The following SOBP variants were observed in gnomAD, a reference collection of about 807,000 sequenced individuals.
The protein encoded by SOBP is sine oculis binding protein homolog, also known as sine oculis-binding protein homolog.
A neutral mutation model predicts 53.6 loss-of-function variants in SOBP; 4 were observed. The ratio of observed to expected loss-of-function variants is 0.07; its 90% CI spans 0.04 to 0.17. SOBP has a LOEUF of 0.17. Ranked by LOEUF, SOBP falls within the 10% of genes least tolerant of loss-of-function variation. The pLI is 1.00. For synonymous variants in SOBP, 584 were observed against 522.6 expected, an observed-to-expected ratio of 1.12 and a Z score of -1.60; for missense variants, 1,088 against 1,204.7, an observed-to-expected ratio of 0.90 and a Z score of 1.43.
At chr6:107,535,639 T>TGTG (rs1315066849) in intron 4 of SOBP, among the ~76,000 whole-genome samples, 134 of 129,704 alleles carry the variant, frequency 1.0e-3, no homozygotes, top group African/African-American at 4.6e-3. Context: ...GTGTGTGTGT[T>TGTG]TTTTTTTTTT....
chr6:107,552,197 T>G (rs867182942), intron 4 of SOBP, among the ~76,000 whole-genome samples: 11 of 152,226 alleles, frequency 7.2e-5, no homozygotes, highest in South Asian at 2.1e-4. Context: ...TTCACCAAGT[T>G]AAACCGAGCT....
At chr6:107,545,571 G>T (rs920313056) in intron 4 of SOBP, among the ~76,000 whole-genome samples, 9 of 152,168 alleles carry the variant, frequency 5.9e-5, no homozygotes, top group Non-Finnish European at 2.9e-5. Context: ...AAATAAATAG[G>T]CAGGTAAGTA....
rs1004914252 is a variant in SOBP at position 107,658,967 on chromosome 6, C to T, written c.*764C>T. 6.6e-6 allele frequency: 1 copy of T among 152,612 alleles called. No individual in the cohort carries two copies. The highest frequency in any genetic ancestry group is 1.5e-5 in the Non-Finnish European group (1 of 68,036). 9.5% of individuals were successfully genotyped at this position (152,612 alleles called of 1,614,324 possible). A position where few individuals can be genotyped will look rare whatever the true frequency, so the allele number is the denominator to read the frequency against. On this transcript the variant is annotated 3_prime_UTR_variant, in exon 7 of 7. Coordinates refer to ENST00000317357, the MANE Select transcript of SOBP (RefSeq NM_018013.4). ...TCAGAGACTGAATGCCAAGAGAACT[C>T]GGTAAATGTTTATTCTTCTCAGCTT...
intron 5 of SOBP, among the ~76,000 whole-genome samples, chr6:107,596,915 T>C (rs540469437): frequency 5.9e-5 from 9 of 152,324 alleles, no homozygotes; most frequent in African/African-American, 2.2e-4. Context: ...ATCCATACTT[T>C]AGAATTTCAT....
At chr6:107,636,057 G>T (rs1333340669) in intron 6 of SOBP, among the ~76,000 whole-genome samples, 1 of 152,206 alleles carries the variant, frequency 6.6e-6, no homozygotes, top group Non-Finnish European at 1.5e-5. Flanking sequence ...CCAGGCCACT[G>T]AGTCCTATTT....
intron 3 of SOBP, among the ~76,000 whole-genome samples, chr6:107,520,884 T>C (rs991147079): frequency 1.3e-5 from 2 of 152,158 alleles, no homozygotes; most frequent in African/African-American, 4.8e-5. Flanking sequence ...CCAAGAGGAT[T>C]TGAAGAGGAG....
intron 4 of SOBP, among the ~76,000 whole-genome samples, chr6:107,566,572 C>G (rs1458320458): frequency 6.6e-6 from 1 of 152,226 alleles, no homozygotes; most frequent in Non-Finnish European, 1.5e-5. Flanking sequence ...CTCTCCTTCT[C>G]TCACGGTGTC....
chr6:107,570,321 T>A (rs536379754), intron 4 of SOBP, among the ~76,000 whole-genome samples: 22 of 152,344 alleles, frequency 1.4e-4, no homozygotes, highest in African/African-American at 5.3e-4. Flanking sequence ...GAATTGTACT[T>A]TTCACTCACC....
chr6:107,552,748 G>A (rs145840684), intron 4 of SOBP, among the ~76,000 whole-genome samples: 1 of 152,214 alleles, frequency 6.6e-6, no homozygotes, highest in Non-Finnish European at 1.5e-5. Context: ...TAGAAAGAGT[G>A]GCTGACTCTA....
intron 5 of SOBP, among the ~76,000 whole-genome samples, chr6:107,608,241 T>G (rs1786463380): frequency 6.6e-6 from 1 of 152,140 alleles, no homozygotes; most frequent in African/African-American, 2.4e-5. Context: ...CTGCCAGTGA[T>G]TTGGTTGGAA....
intron 1 of SOBP, among the ~76,000 whole-genome samples, chr6:107,495,468 A>G (rs1020200061): frequency 6.6e-5 from 10 of 152,130 alleles, no homozygotes; most frequent in African/African-American, 2.2e-4. Context: ...CGCAGATTCC[A>G]GAGACGAGGA....
chr6:107,509,075 G>A (rs1049689613), intron 3 of SOBP, among the ~76,000 whole-genome samples: 1 of 152,208 alleles, frequency 6.6e-6, no homozygotes, highest in Non-Finnish European at 1.5e-5. Flanking sequence ...CCTACCTCAT[G>A]TGGTTGTTGT....
At position 107,635,587 on chromosome 6, in the gene SOBP, G is replaced by A; in HGVS notation, c.*3+118G>A. Reference sequence around the variant, plus strand: ...GATTTTACCGTGTGTGTTTTATATTGCACACGGTGTGGTCACGCTATCAAC... The same window carrying A: ...GATTTTACCGTGTGTGTTTTATATTACACACGGTGTGGTCACGCTATCAAC... On this transcript the variant is annotated intron_variant, in intron 6 of 6. Transcript: ENST00000317357. The surrounding 1 kb of genome is among the most constrained non-coding windows in gnomAD (Gnocchi z 4.5). 8 of 1,373,010 alleles carry A rather than the reference G, an allele frequency of 5.8e-6. No individual in the cohort carries two copies. In the South Asian group the frequency reaches 9.6e-5, roughly 16 times the overall value. The allele number at this position is 1,373,010 out of a possible 1,614,324, so 85.1% of individuals were successfully genotyped here.
chr6:107,517,802 C>A (rs1393780465), intron 3 of SOBP, among the ~76,000 whole-genome samples: 2 of 152,068 alleles, frequency 1.3e-5, no homozygotes, highest in Non-Finnish European at 2.9e-5. Flanking sequence ...CTTGAATACA[C>A]CAATATTTCT....
intron 5 of SOBP, among the ~76,000 whole-genome samples, chr6:107,589,101 G>C (rs1357962012): frequency 6.6e-6 from 1 of 152,224 alleles, no homozygotes; most frequent in Non-Finnish European, 1.5e-5. Flanking sequence ...GTGCAACTTA[G>C]AGCAGATTTT....
chr6:107,566,922 G>T (rs1179861032), intron 4 of SOBP, among the ~76,000 whole-genome samples: 4 of 152,246 alleles, frequency 2.6e-5, no homozygotes, highest in Non-Finnish European at 5.9e-5. Context: ...ACCAGATCAT[G>T]TGGTACAAAA....
chr6:107,650,825 C>T (rs1771772723), intron 6 of SOBP, among the ~76,000 whole-genome samples: 1 of 152,108 alleles, frequency 6.6e-6, no homozygotes, highest in South Asian at 2.1e-4. Flanking sequence ...GGAGGAGACC[C>T]ATGTCTCTCA....
rs138805848 is a variant in SOBP, at chr6:107,556,141, G to A, written c.573+22531G>A. Among the ~76,000 whole-genome samples the A allele has an allele frequency of 3.9e-5, 6 of 152,324 alleles. No individual in the cohort carries two copies. In the East Asian group the frequency reaches 1.2e-3, roughly 29 times the overall value. On this transcript the variant is annotated intron_variant, in intron 4 of 6. Coordinates refer to ENST00000317357, the MANE Select transcript of SOBP (RefSeq NM_018013.4). ...ATTCTGTGGCAAGTTGCAGAAACCA[G>A]ATCATGGCTCTCCTTGTTAATGTAA...
At chr6:107,596,616 T>C (rs554050049) in intron 5 of SOBP, among the ~76,000 whole-genome samples, 4 of 152,342 alleles carry the variant, frequency 2.6e-5, no homozygotes, top group Non-Finnish European at 4.4e-5. Flanking sequence ...AAGCTGAGTT[T>C]AAAATAAGAA....
Sources: allele counts gnomAD v4.1 joint callset (sites outside exome capture counted in the v4.1 genomes callset), GRCh38; gene constraint gnomAD v4.1.1; non-coding constraint Gnocchi (gnomAD v3.1); transcripts MANE v1.5; gene names NCBI Gene and HGNC (gene_info 2026-07-23, HGNC 2026-07-21).